CHRNA7: variants seen among roughly 807,000 people sequenced by gnomAD.
CHRNA7 encodes the protein cholinergic receptor nicotinic alpha 7 subunit, also known as neuronal acetylcholine receptor subunit alpha-7.
Under a neutral mutation model 48.0 loss-of-function variants are expected in CHRNA7, and 17 were observed. The observed-to-expected ratio is 0.35, with a 90% CI of 0.24 to 0.53. The LOEUF is 0.53. Ranked by LOEUF, CHRNA7 falls within the 20% of genes least tolerant of loss-of-function variation. CHRNA7 has a pLI of 0.92. For missense variants in CHRNA7, 155 were observed against 577.7 expected (o/e 0.27, Z 7.50); for synonymous variants, 75 against 242.3 (o/e 0.31, Z 6.41).
At chr15:32,050,013 C>T (rs915147302) in intron 2 of CHRNA7, among the ~76,000 whole-genome samples, 2 of 152,238 alleles carry the variant, frequency 1.3e-5, no homozygotes, top group African/African-American at 4.8e-5. Context: ...GCCGAGAGAT[C>T]CGCTGTTAGT....
chr15:32,034,067 T>C (rs1901970347), intron 2 of CHRNA7, among the ~76,000 whole-genome samples: 1 of 152,124 alleles, frequency 6.6e-6, no homozygotes, highest in Non-Finnish European at 1.5e-5. Context: ...GCTAGGGAGA[T>C]TAAAAAGTAA....
intron 2 of CHRNA7, among the ~76,000 whole-genome samples, chr15:32,078,415 A>G (rs1415825638): frequency 6.6e-6 from 1 of 152,158 alleles, no homozygotes; most frequent in Non-Finnish European, 1.5e-5. Context: ...GGTTGTATCT[A>G]CATTTATTTT....
chr15:32,125,851 G>T (rs1232262418), intron 4 of CHRNA7, among the ~76,000 whole-genome samples: 1 of 152,144 alleles, frequency 6.6e-6, no homozygotes, highest in Non-Finnish European at 1.5e-5. Context: ...ATGCCAGCTT[G>T]CATTCCTTTA....
In CHRNA7 at chr15:32,053,581, A is replaced by C. The variant is rs572216122; in HGVS notation, c.195+22544A>C. Among the ~76,000 whole-genome samples the C allele has an allele frequency of 3.9e-5, 6 of 152,240 alleles. No homozygotes were observed. The South Asian group carries it at 1.2e-3, about 32-fold the overall frequency. ...TGTAAATGCACACTCAGTCACACAC[A>C]CCCCTGTTATCCTTAGCTCTCCTTG... On this transcript the variant is annotated intron_variant, in intron 2 of 9. Transcript: ENST00000306901.
intron 4 of CHRNA7, among the ~76,000 whole-genome samples, chr15:32,128,163 T>G (rs1482422391): frequency 3.3e-5 from 5 of 152,054 alleles, no homozygotes; most frequent in Non-Finnish European, 5.9e-5. Flanking sequence ...TTAATCTAGA[T>G]ATCTCTTCCT....
Position 32,037,152 on chromosome 15 carries a change from G to T in CHRNA7, c.195+6115G>T, listed in dbSNP as rs114802901. Among the ~76,000 whole-genome samples the T allele has an allele frequency of 4.6e-3, 694 of 152,232 alleles. 9 individuals are homozygous for T. Among genetic ancestry groups the T allele is most frequent in the African/African-American group, 0.016 (669 of 41,560 alleles). ...TACATTTATCTTTTTGCATGTGATT[G>T]TCCAGTTGTTGTAGCACCATTTGTT... is the stretch of plus-strand genomic sequence containing the variant. On this transcript the variant is annotated intron_variant, in intron 2 of 9. Coordinates refer to ENST00000306901, the MANE Select transcript of CHRNA7 (RefSeq NM_000746.6).
In CHRNA7 at chr15:32,168,968, T is replaced by C. The variant is rs1377124710; in HGVS notation, c.*510T>C. 1.2e-4 allele frequency: 16 copies of C among 138,314 alleles called. No individual in the cohort carries two copies. Among genetic ancestry groups the C allele is most frequent in the African/African-American group, 4.4e-4 (16 of 35,980 alleles). The allele number at this position is 138,314 out of a possible 1,614,324, so 8.6% of individuals were successfully genotyped here. A position where few individuals can be genotyped will look rare whatever the true frequency, so the allele number is the denominator to read the frequency against. On this transcript the variant is annotated 3_prime_UTR_variant, in exon 10 of 10. Coordinates refer to ENST00000306901, the MANE Select transcript of CHRNA7 (RefSeq NM_000746.6). The stretch of plus-strand genomic sequence containing the variant: ...TCTTAGCTTTTCTGCAATTCAACTT[T>C]TTATTTTTATTTTTATTTCTATCAA...
In CHRNA7 at chr15:32,065,359, G is replaced by A. The variant is rs77853300; in HGVS notation, c.195+34322G>A. ...ATTGTCAGTATTTGGTCTGTCTGGTGGTTCAGTAGAAGACCCCACTTGCAA... is the reference window on the plus strand; with the variant it reads ...ATTGTCAGTATTTGGTCTGTCTGGTAGTTCAGTAGAAGACCCCACTTGCAA... On this transcript the variant is annotated intron_variant, in intron 2 of 9. Transcript: ENST00000306901. Among the ~76,000 whole-genome samples the A allele has an allele frequency of 2.8e-3, 428 of 152,268 alleles. 10 individuals carry two copies. In the East Asian group the frequency reaches 0.07, roughly 25 times the overall value.
chr15:32,120,519 G>A (rs2050949970), intron 4 of CHRNA7, among the ~76,000 whole-genome samples: 1 of 151,662 alleles, frequency 6.6e-6, no homozygotes, highest in Non-Finnish European at 1.5e-5. Context: ...TCTTTTCTTT[G>A]ACCAAATCCC....
At chr15:32,153,283 G>T (rs1226639190) in intron 4 of CHRNA7, 1 of 151,664 alleles carries the variant, frequency 6.6e-6, no homozygotes, top group East Asian at 1.9e-4. Context: ...TTAACCAGGT[G>T]TGGTGGTGTG....
chr15:32,106,382 TA>T (rs989536329), intron 3 of CHRNA7, among the ~76,000 whole-genome samples: 2 of 151,940 alleles, frequency 1.3e-5, no homozygotes, highest in South Asian at 2.1e-4. Flanking sequence ...GGCAGAAAGG[TA>T]AAAAAAAGAA....
chr15:32,077,108 A>T (rs1200077350), intron 2 of CHRNA7, among the ~76,000 whole-genome samples: 1 of 151,178 alleles, frequency 6.6e-6, no homozygotes, highest in Non-Finnish European at 1.5e-5. Context: ...AAGTTCCTCC[A>T]TGTCTTTTTA....
chr15:32,057,213 A>C (rs970803741), intron 2 of CHRNA7, among the ~76,000 whole-genome samples: 1 of 152,196 alleles, frequency 6.6e-6, no homozygotes, highest in Admixed American at 6.5e-5. Flanking sequence ...CAAAGATGGG[A>C]GATAGTCTCC....
At chr15:32,124,042 A>G (rs981384899) in intron 4 of CHRNA7, among the ~76,000 whole-genome samples, 16 of 152,008 alleles carry the variant, frequency 1.1e-4, no homozygotes, top group African/African-American at 3.4e-4. Context: ...ACAATCACTA[A>G]TCACAAAAAT....
chr15:32,030,693 C>T (rs1284289578), intron 1 of CHRNA7, 44 bp downstream of exon 1: 13 of 1,551,434 alleles, frequency 8.4e-6, no homozygotes, highest in South Asian at 1.2e-5. Context: ...CGTGGGATCC[C>T]GGGCACATCC....
chr15:32,080,218 A>G lies in CHRNA7; in HGVS notation c.196-21085A>G, dbSNP rs115859567. On this transcript the variant is annotated intron_variant, in intron 2 of 9. Transcript: ENST00000306901. The stretch of plus-strand genomic sequence containing the variant: ...AAACCTAGAAGAAAATGTAGGCACT[A>G]TCATTCAGGACGTAGGCATGGGCAA... Among the ~76,000 whole-genome samples the G allele has an allele frequency of 3.7e-3, 564 of 152,316 alleles. 4 individuals carry two copies. The highest frequency in any genetic ancestry group is 0.013 in the African/African-American group (538 of 41,580).
At chr15:32,111,699 C>A in intron 3 of CHRNA7, 91 bp from the exon 4 acceptor site, 2 of 699,422 alleles carry the variant, frequency 2.9e-6, no homozygotes, top group Admixed American at 4.8e-5. Context: ...GTCTGGAATT[C>A]TCTTTGGTTT....
intron 4 of CHRNA7, among the ~76,000 whole-genome samples, chr15:32,116,771 A>G (rs2050879413): frequency 6.6e-6 from 1 of 152,232 alleles, no homozygotes; most frequent in South Asian, 2.1e-4. Context: ...ATTCTATTGC[A>G]ATAATGGAAA....
intron 4 of CHRNA7, among the ~76,000 whole-genome samples, chr15:32,136,654 G>A (rs979464206): frequency 7.9e-5 from 12 of 152,154 alleles, no homozygotes; most frequent in Admixed American, 3.3e-4. Context: ...AGGTTAAAGT[G>A]TGAGAATAAC....
Sources: allele counts gnomAD v4.1 joint callset (sites outside exome capture counted in the v4.1 genomes callset), GRCh38; gene constraint gnomAD v4.1.1; transcripts MANE v1.5; gene names NCBI Gene and HGNC (gene_info 2026-07-23, HGNC 2026-07-21).